The following GLIS3 variants were observed in gnomAD, a reference collection of about 807,000 sequenced individuals.
The protein encoded by GLIS3 is GLIS family zinc finger 3.
Under a neutral mutation model 78.6 loss-of-function variants are expected in GLIS3, and 53 were observed. The observed-to-expected ratio is 0.67, with a 90% CI of 0.54 to 0.85. GLIS3 has a LOEUF of 0.85. Ranked by LOEUF, GLIS3 falls within the 40% of genes least tolerant of loss-of-function variation. The probability of loss-of-function intolerance (pLI) is 0.00; values close to 1 mark genes in which losing one functional copy is unlikely to be tolerated. For missense variants in GLIS3, 1,703 were observed against 1,231.1 expected (o/e 1.38, Z -5.74); for synonymous variants, 684 against 509.9 (o/e 1.34, Z -4.60).
chr9:3,927,566 T>A (rs1039276853), intron 6 of GLIS3, among the ~76,000 whole-genome samples: 50 of 152,228 alleles, frequency 3.3e-4, no homozygotes, highest in African/African-American at 1.0e-3. Context: ...TCCTGGACCA[T>A]TACCCCAGAG....
intron 2 of GLIS3, among the ~76,000 whole-genome samples, chr9:4,253,628 G>T (rs542422795): frequency 6.6e-6 from 1 of 152,118 alleles, no homozygotes; most frequent in Non-Finnish European, 1.5e-5. Context: ...ATTCTGTCTC[G>T]CTAGCGTTCC....
At chr9:4,190,894 A>G (rs1818270743) in intron 2 of GLIS3, among the ~76,000 whole-genome samples, 2 of 152,326 alleles carry the variant, frequency 1.3e-5, no homozygotes, top group South Asian at 2.1e-4. Context: ...TTCTTAAAGA[A>G]AAGAATTTTC....
At chr9:3,996,914 T>C (rs1820785920) in intron 4 of GLIS3, among the ~76,000 whole-genome samples, 1 of 152,044 alleles carries the variant, frequency 6.6e-6, no homozygotes, top group African/African-American at 2.4e-5. Flanking sequence ...TAAACTGAGA[T>C]GACAAATGAT....
At chr9:4,384,390 T>C in the GLIS3 span, among the ~76,000 whole-genome samples, 2 of 152,196 alleles carry the variant, frequency 1.3e-5, no homozygotes. Flanking sequence ...AAAATTTATT[T>C]TCTAAGTTGT....
intron 2 of GLIS3, among the ~76,000 whole-genome samples, chr9:4,175,129 T>G (rs1467858264): frequency 1.3e-5 from 2 of 152,196 alleles, no homozygotes; most frequent in African/African-American, 2.4e-5. Flanking sequence ...ACTTTCTGAA[T>G]GGTCTCTCTA....
intron 6 of GLIS3, among the ~76,000 whole-genome samples, chr9:3,903,733 T>C (rs1823474602): frequency 6.6e-6 from 1 of 151,992 alleles, no homozygotes; most frequent in African/African-American, 2.4e-5. Flanking sequence ...ACTAAATAAA[T>C]TGTAGAGAAG....
At chr9:4,104,156 T>C (rs903764974) in intron 4 of GLIS3, among the ~76,000 whole-genome samples, 4 of 152,122 alleles carry the variant, frequency 2.6e-5, no homozygotes, top group African/African-American at 9.7e-5. Flanking sequence ...CAGTCTAGAC[T>C]TCTCATCTGA....
chr9:4,256,219 T>G (rs1055391831), intron 2 of GLIS3, among the ~76,000 whole-genome samples: 7 of 152,154 alleles, frequency 4.6e-5, no homozygotes, highest in Admixed American at 2.0e-4. Context: ...GAGGCAATAT[T>G]TAATTCTAAT....
chr9:4,428,495 A>G, the GLIS3 span, among the ~76,000 whole-genome samples: 2 of 151,214 alleles, frequency 1.3e-5, no homozygotes, highest in Admixed American at 6.6e-5. Context: ...AAAAAAAAAA[A>G]AAAAAAAAAA....
chr9:4,112,274 C>G (rs1283107378), intron 4 of GLIS3, among the ~76,000 whole-genome samples: 1 of 152,146 alleles, frequency 6.6e-6, no homozygotes, highest in East Asian at 1.9e-4. Flanking sequence ...CTTATCTCGT[C>G]TCTGAATTTT....
At chr9:4,205,111 G>C (rs1819749346) in intron 2 of GLIS3, among the ~76,000 whole-genome samples, 2 of 145,532 alleles carry the variant, frequency 1.4e-5, no homozygotes, top group Admixed American at 1.5e-4. Flanking sequence ...AGGAGGTGCA[G>C]AATGCAGTGA....
At chr9:4,017,585 G>T (rs1047077204) in intron 4 of GLIS3, among the ~76,000 whole-genome samples, 5 of 152,172 alleles carry the variant, frequency 3.3e-5, no homozygotes, top group African/African-American at 1.2e-4. Context: ...CCAGAGTAGA[G>T]ATGATCAGAG....
chr9:4,069,123 G>T (rs1036053762), intron 4 of GLIS3, among the ~76,000 whole-genome samples: 2 of 152,078 alleles, frequency 1.3e-5, no homozygotes, highest in African/African-American at 4.8e-5. Context: ...CCTTGGATAA[G>T]GCTCAATAAA....
the GLIS3 span, among the ~76,000 whole-genome samples, chr9:4,457,255 G>C: frequency 3.9e-5 from 6 of 152,068 alleles, no homozygotes; most frequent in East Asian, 9.7e-4. Context: ...CAGCTACTTA[G>C]GAAGTTGAGG....
At chr9:4,161,998 T>C (rs1288024268) in intron 2 of GLIS3, among the ~76,000 whole-genome samples, 1 of 152,060 alleles carries the variant, frequency 6.6e-6, no homozygotes, top group Non-Finnish European at 1.5e-5. Flanking sequence ...AGGCTAGAAT[T>C]CTGAAATCAA....
intron 2 of GLIS3, among the ~76,000 whole-genome samples, chr9:4,215,845 A>G (rs1244946189): frequency 6.6e-6 from 1 of 152,204 alleles, no homozygotes; most frequent in African/African-American, 2.4e-5. Context: ...CTGCCTTTAA[A>G]AGAAAGGCAC....
At chr9:4,372,446 G>A in the GLIS3 span, among the ~76,000 whole-genome samples, 26 of 151,432 alleles carry the variant, frequency 1.7e-4, no homozygotes, top group South Asian at 8.4e-4. Context: ...CTGTAAGCAT[G>A]TCTTCAACAT....
intron 4 of GLIS3, among the ~76,000 whole-genome samples, chr9:4,306,689 T>C (rs1358848256): frequency 6.6e-6 from 1 of 152,268 alleles, no homozygotes; most frequent in Admixed American, 6.5e-5. Flanking sequence ...CCCAGGCATC[T>C]CTGAGTCTCA....
intron 2 of GLIS3, among the ~76,000 whole-genome samples, chr9:4,156,784 A>T (rs1835074546): frequency 6.6e-6 from 1 of 152,016 alleles, no homozygotes; most frequent in Non-Finnish European, 1.5e-5. Context: ...AACAGAAACA[A>T]CCCTTAAGGA....
Sources: allele counts gnomAD v4.1 joint callset (sites outside exome capture counted in the v4.1 genomes callset), GRCh38; gene constraint gnomAD v4.1.1; transcripts MANE v1.5; gene names NCBI Gene and HGNC (gene_info 2026-07-23, HGNC 2026-07-21).